The following METAP1 variants were observed in gnomAD, a reference collection of about 807,000 sequenced individuals.
METAP1 encodes the protein methionine aminopeptidase 1.
A neutral mutation model predicts 53.8 loss-of-function variants in METAP1; 28 were observed. That is an observed-to-expected ratio of 0.52 (90% confidence interval 0.39 to 0.71). METAP1 has a LOEUF of 0.71. Ranked by LOEUF, METAP1 falls within the 30% of genes least tolerant of loss-of-function variation. METAP1 has a pLI of 0.00. For missense variants in METAP1, 389 were observed against 479.8 expected (o/e 0.81, Z 1.77); for synonymous variants, 181 against 165.7 (o/e 1.09, Z -0.71).
At position 98,998,933 on chromosome 4, in the gene METAP1, C is replaced by T. The variant is rs1052509300; in HGVS notation, c.114+3066C>T. On this transcript the variant is annotated intron_variant, in intron 1 of 10. Transcript: ENST00000296411. ...TCAAGCAGTTCTCCTGCCTCAGCCT[C>T]GCAAGTAGATGGAATTACAGGCATG... 4.6e-5 allele frequency among the ~76,000 whole-genome samples: 7 copies of T among 152,134 alleles called. No homozygotes were observed. The East Asian group carries it at 1.2e-3, about 25-fold the overall frequency.
intron 1 of METAP1, among the ~76,000 whole-genome samples, chr4:99,003,381 C>T (rs750723336): frequency 1.3e-5 from 2 of 152,110 alleles, no homozygotes; most frequent in Non-Finnish European, 2.9e-5. Flanking sequence ...CAGGCTTAGT[C>T]GTTCAATAAA....
At chr4:99,053,491 A>G (rs989031980) in intron 9 of METAP1, among the ~76,000 whole-genome samples, 1 of 152,108 alleles carries the variant, frequency 6.6e-6, no homozygotes, top group Admixed American at 6.6e-5. Flanking sequence ...GGAGTCATAC[A>G]TTCCACCCGC....
chr4:99,027,073 A>G (rs966373511), intron 1 of METAP1, among the ~76,000 whole-genome samples: 1 of 152,336 alleles, frequency 6.6e-6, no homozygotes, highest in South Asian at 2.1e-4. Context: ...TCTGAGGAGA[A>G]TACAAGGCTA....
At chr4:99,026,238 GA>G (rs1352845633) in intron 1 of METAP1, 3 of 984,948 alleles carry the variant, frequency 3.0e-6, no homozygotes, top group Non-Finnish European at 3.6e-6. Context: ...TGGTGCTAAA[GA>G]AAAAAGCATG....
At chr4:99,042,520 G>A (rs62325196) in intron 6 of METAP1, among the ~76,000 whole-genome samples, 3,753 of 152,056 alleles carry the variant, frequency 0.025, 57 homozygotes, top group Non-Finnish European at 0.035. Flanking sequence ...TTTTCTGTTA[G>A]GAGTTCTTTT....
At chr4:99,023,871 AAG>A (rs1421808254) in intron 1 of METAP1, 1 of 779,764 alleles carries the variant, frequency 1.3e-6, no homozygotes, top group African/African-American at 1.9e-5. Flanking sequence ...GCAGTAGAGA[AAG>A]AGTTACTTAT....
intron 1 of METAP1, among the ~76,000 whole-genome samples, chr4:99,011,249 A>C (rs915253368): frequency 6.6e-6 from 1 of 152,214 alleles, no homozygotes; most frequent in Non-Finnish European, 1.5e-5. Context: ...ACTCAGATGA[A>C]AAGCTTTCTG....
At chr4:99,015,639 C>T (rs114887545) in intron 1 of METAP1, among the ~76,000 whole-genome samples, 2,427 of 152,228 alleles carry the variant, frequency 0.016, 35 homozygotes, top group Middle Eastern at 0.027. Context: ...GAAGAAGCGG[C>T]GTCTTGGCTT....
At chr4:99,012,580 GT>G (rs1391977348) in intron 1 of METAP1, among the ~76,000 whole-genome samples, 1 of 136,846 alleles carries the variant, frequency 7.3e-6, no homozygotes, top group Non-Finnish European at 1.6e-5. Context: ...CGGCCGAGGT[GT>G]TTCTTTTTTA....
chr4:99,052,071 G>A (rs929377139), intron 9 of METAP1, among the ~76,000 whole-genome samples: 6 of 152,188 alleles, frequency 3.9e-5, no homozygotes, highest in Non-Finnish European at 8.8e-5. Context: ...AATAAAGCAA[G>A]TCATACAGAT....
chr4:98,997,115 C>T (rs1353653776), intron 1 of METAP1, among the ~76,000 whole-genome samples: 2 of 151,970 alleles, frequency 1.3e-5, no homozygotes, highest in Non-Finnish European at 2.9e-5. Context: ...TTAACTCTGC[C>T]ATAAATAAAA....
intron 1 of METAP1, among the ~76,000 whole-genome samples, chr4:99,008,984 C>T (rs1003375309): frequency 1.3e-5 from 2 of 152,124 alleles, no homozygotes; most frequent in South Asian, 2.1e-4. Context: ...ATCTCTAGAA[C>T]GTTTTCATTT....
chr4:99,027,294 G>C (rs564962854), intron 1 of METAP1, among the ~76,000 whole-genome samples: 8 of 152,264 alleles, frequency 5.3e-5, no homozygotes, highest in African/African-American at 1.9e-4. Flanking sequence ...ACCCACTGGG[G>C]TACAGATGCT....
intron 10 of METAP1, among the ~76,000 whole-genome samples, chr4:99,060,144 T>C (rs1474895948): frequency 2.6e-5 from 4 of 152,146 alleles, no homozygotes; most frequent in African/African-American, 9.7e-5. Context: ...AAATGTACAG[T>C]TCAATATTAT....
intron 1 of METAP1, among the ~76,000 whole-genome samples, chr4:99,008,872 T>C (rs768817895): frequency 1.3e-4 from 20 of 152,230 alleles, no homozygotes; most frequent in Non-Finnish European, 2.8e-4. Flanking sequence ...ATTTTTTACA[T>C]ATCTTTAAAA....
At chr4:99,028,142 C>A (rs1390513193) in intron 1 of METAP1, among the ~76,000 whole-genome samples, 1 of 152,134 alleles carries the variant, frequency 6.6e-6, no homozygotes, top group Non-Finnish European at 1.5e-5. Flanking sequence ...TAAATAAAGT[C>A]TATGTCTGTT....
intron 2 of METAP1, among the ~76,000 whole-genome samples, chr4:99,032,986 A>G (rs981732786): frequency 3.9e-5 from 6 of 152,212 alleles, no homozygotes; most frequent in African/African-American, 1.2e-4. Flanking sequence ...AGTAATATGA[A>G]TGGATTTTCC....
intron 1 of METAP1, among the ~76,000 whole-genome samples, chr4:98,996,826 C>T (rs990345478): frequency 1.3e-5 from 2 of 152,148 alleles, no homozygotes; most frequent in African/African-American, 4.8e-5. Flanking sequence ...AAGAGAGGCA[C>T]ATGAATATTC....
At chr4:99,058,751 C>T (rs756698101) in intron 10 of METAP1, among the ~76,000 whole-genome samples, 18 of 152,202 alleles carry the variant, frequency 1.2e-4, no homozygotes, top group Non-Finnish European at 2.4e-4. Context: ...GGAGCAGGAG[C>T]TCACACAAGG....
Sources: allele counts gnomAD v4.1 joint callset (sites outside exome capture counted in the v4.1 genomes callset), GRCh38; gene constraint gnomAD v4.1.1; transcripts MANE v1.5; gene names NCBI Gene and HGNC (gene_info 2026-07-23, HGNC 2026-07-21).